The following ABR variants were observed in gnomAD, a reference collection of about 807,000 sequenced individuals.
ABR encodes the protein active breakpoint cluster region-related protein.
ABR carries 35 observed loss-of-function variants against 107.2 expected under a neutral mutation model. The observed-to-expected ratio is 0.33, with a 90% confidence interval of 0.25 to 0.43. ABR has a LOEUF of 0.43. Among genes scored for constraint, ABR ranks in the 20% least tolerant of loss-of-function variants. The pLI, the probability that ABR is intolerant of heterozygous loss-of-function variation, is 1.00. For synonymous variants in ABR, 498 were observed against 462.0 expected, an observed-to-expected ratio of 1.08 and a Z score of -1.00; for missense variants, 815 against 1,115.2, an observed-to-expected ratio of 0.73 and a Z score of 3.83.
chr17:1,080,123 A>G (rs2151238230), intron 5 of ABR, among the ~76,000 whole-genome samples: 1 of 152,278 alleles, frequency 6.6e-6, no homozygotes, highest in African/African-American at 2.4e-5. Context: ...GAAGGGTCCC[A>G]CACGCCAGCA....
upstream of ABR, among the ~76,000 whole-genome samples, chr17:1,188,236 C>A (rs980261777): frequency 6.6e-6 from 1 of 151,596 alleles, no homozygotes; most frequent in Admixed American, 6.6e-5. Context: ...ATAAAAATAA[C>A]AATGTGTGGG....
At position 1,051,866 on chromosome 17, in the gene ABR, G is replaced by A. The variant is rs2032574115; in HGVS notation, c.1562-1232C>T. Among the ~76,000 whole-genome samples the A allele has an allele frequency of 6.6e-6, 1 of 152,138 alleles. No individual in the cohort carries two copies. Among genetic ancestry groups the A allele is most frequent in the Non-Finnish European group, 1.5e-5 (1 of 68,022 alleles). On this transcript the variant is annotated intron_variant, in intron 14 of 22. Transcript: ENST00000302538. The surrounding 1 kb of genome is among the most constrained non-coding windows in gnomAD (Gnocchi z 4.3). ...AGGTGGGCAGATCACCTGAGGTCAGGAGTTTGAGACCAGCCTGACCAACAT... is the reference window on the plus strand; with the variant it reads ...AGGTGGGCAGATCACCTGAGGTCAGAAGTTTGAGACCAGCCTGACCAACAT...
chr17:1,047,463 T>G (rs1597531628), intron 16 of ABR, among the ~76,000 whole-genome samples: 1 of 151,788 alleles, frequency 6.6e-6, no homozygotes, highest in Non-Finnish European at 1.5e-5. Context: ...AGCCCGCCCC[T>G]GGGGCATGCC....
intron 1 of ABR, among the ~76,000 whole-genome samples, chr17:1,198,563 G>A (rs543405966): frequency 6.6e-6 from 1 of 151,372 alleles, no homozygotes; most frequent in African/African-American, 2.4e-5. Flanking sequence ...GCCTCATGGT[G>A]AAACCCCATC....
chr17:1,128,414 C>T (rs1283275544), intron 1 of ABR, among the ~76,000 whole-genome samples: 2 of 152,212 alleles, frequency 1.3e-5, no homozygotes, highest in African/African-American at 4.8e-5. Flanking sequence ...TCCATTTCCC[C>T]GCCGACTAAC....
intron 1 of ABR, among the ~76,000 whole-genome samples, chr17:1,186,215 A>AG (rs1193022872): frequency 6.6e-6 from 1 of 152,140 alleles, no homozygotes; most frequent in African/African-American, 2.4e-5. Flanking sequence ...CCACAGTGTC[A>AG]CCTGTAAGGG....
intron 10 of ABR, among the ~76,000 whole-genome samples, chr17:1,061,824 G>C (rs77699257): frequency 6.6e-6 from 1 of 152,158 alleles, no homozygotes; most frequent in African/African-American, 2.4e-5. Context: ...TGGGATTACC[G>C]GTGTAAACCA....
chr17:1,110,136 G>A (rs530633159), intron 2 of ABR, among the ~76,000 whole-genome samples: 1 of 151,488 alleles, frequency 6.6e-6, no homozygotes, highest in South Asian at 2.1e-4. Context: ...ACCATCTCCG[G>A]CCCTGCCCAC....
intron 14 of ABR, chr17:1,055,832 G>A (rs994229142): frequency 3.2e-5 from 18 of 556,170 alleles, no homozygotes; most frequent in Non-Finnish European, 5.8e-5. Flanking sequence ...CGGCCCCTAG[G>A]TTTCAGACAG....
At chr17:1,129,557 CA>C (rs977397117) in intron 1 of ABR, among the ~76,000 whole-genome samples, 3 of 151,976 alleles carry the variant, frequency 2.0e-5, no homozygotes, top group African/African-American at 7.3e-5. Context: ...AAAACAAGAA[CA>C]AAAAAAGATT....
At chr17:1,201,217 T>G (rs1368611191) in intron 1 of ABR, among the ~76,000 whole-genome samples, 3 of 152,294 alleles carry the variant, frequency 2.0e-5, no homozygotes, top group South Asian at 2.1e-4. Context: ...CTGCTCCGGA[T>G]GCAAAGCACA....
chr17:1,167,918 C>T (rs919604677), intron 1 of ABR, among the ~76,000 whole-genome samples: 1 of 152,114 alleles, frequency 6.6e-6, no homozygotes, highest in Non-Finnish European at 1.5e-5. Context: ...TTTGGGAGGC[C>T]GAGGCGGACA....
At chr17:1,061,991 T>A (rs2034001505) in intron 10 of ABR, among the ~76,000 whole-genome samples, 1 of 152,036 alleles carries the variant, frequency 6.6e-6, no homozygotes, top group Non-Finnish European at 1.5e-5. Flanking sequence ...AAGCCACAGG[T>A]GAACAAAAAG....
intron 1 of ABR, among the ~76,000 whole-genome samples, chr17:1,141,932 A>T (rs1457004495): frequency 6.6e-6 from 1 of 151,810 alleles, no homozygotes; most frequent in Admixed American, 6.6e-5. Context: ...ATAATTTTGT[A>T]TTTTTAGTAG....
At chr17:1,018,761 G>A (rs1468749529) in intron 16 of ABR, among the ~76,000 whole-genome samples, 5 of 152,170 alleles carry the variant, frequency 3.3e-5, no homozygotes, top group Non-Finnish European at 5.9e-5. Context: ...TGAGAGCAAC[G>A]GACTTATCTC....
intron 1 of ABR, among the ~76,000 whole-genome samples, chr17:1,219,942 G>C (rs970978752): frequency 4.6e-5 from 7 of 151,698 alleles, no homozygotes; most frequent in African/African-American, 1.7e-4. Context: ...GCTTTGCAGA[G>C]AGTAGGTACT....
intron 1 of ABR, among the ~76,000 whole-genome samples, chr17:1,215,402 C>T (rs576437119): frequency 2.0e-5 from 3 of 152,306 alleles, no homozygotes; most frequent in Non-Finnish European, 4.4e-5. Context: ...CCATGCCTGA[C>T]TGGTTTTCGT....
rs745580365 is a variant in ABR, at chr17:1,200,841, C to T, written c.838+27952G>A. 6.6e-6 allele frequency among the ~76,000 whole-genome samples: 1 copy of T among 152,096 alleles called. No individual in the cohort carries two copies. Among genetic ancestry groups the T allele is most frequent in the Non-Finnish European group, 1.5e-5 (1 of 68,034 alleles). On this transcript the variant is annotated intron_variant, in intron 1 of 22. Coordinates refer to the ABR transcript ENST00000574139. The surrounding 1 kb of genome is among the most constrained non-coding windows in gnomAD (Gnocchi z 4.1). The stretch of plus-strand genomic sequence containing the variant: ...GATAAAGCCTCATCTATAACATCCC[C>T]AGTAAAAAGCTGAGAATTGCTCCTG...
intron 2 of ABR, among the ~76,000 whole-genome samples, chr17:1,111,762 C>T (rs893905251): frequency 6.6e-6 from 1 of 152,194 alleles, no homozygotes; most frequent in Non-Finnish European, 1.5e-5. Context: ...CTGCTCCCTT[C>T]CCCCAGAGAA....
Sources: gnomAD v4.1 joint callset for allele counts (sites outside exome capture counted in the v4.1 genomes callset) on GRCh38, gnomAD v4.1.1 for gene constraint, Gnocchi (gnomAD v3.1) non-coding constraint, MANE v1.5 for transcripts, NCBI Gene and HGNC (gene_info 2026-07-23, HGNC 2026-07-21) for gene names.